Variants in CNOT8 observed in about 807,000 individuals in gnomAD.
CNOT8 encodes CAF1-like protein.
Under a neutral mutation model 34.6 loss-of-function variants are expected in CNOT8, and 18 were observed. The observed-to-expected ratio is 0.52, with a 90% CI of 0.36 to 0.77. The LOEUF (loss-of-function observed/expected upper bound fraction) is 0.77. CNOT8 is among the 30% of genes least tolerant of loss of function. The pLI, the probability that CNOT8 is intolerant of heterozygous loss-of-function variation, is 0.00. For missense variants in CNOT8, 189 were observed against 347.9 expected, an observed-to-expected ratio of 0.54 and a Z score of 3.63; for synonymous variants, 101 against 118.8, an observed-to-expected ratio of 0.85 and a Z score of 0.98.
In CNOT8 at chr5:154,875,386, T is replaced by C. The variant is rs1582634114; in HGVS notation, c.826T>C (p.Ser276Pro). 6.2e-7 allele frequency: 1 copy of C among 1,614,094 alleles called. No homozygotes were observed. The highest frequency in any genetic ancestry group is 8.5e-7 in the Non-Finnish European group (1 of 1,180,040). ...VAQKQNEDVD[S>P]AQEKMSILAI... ...CCAGAAGCAGAATGAGGATGTGGAC[T>C]CTGCCCAGGAGAAGATGAGCATCCT... Residue 276 changes from serine to proline, a missense_variant, in exon 7 of 7, where the codon TCT (serine) becomes CCT (proline). Transcript: ENST00000285896.
At position 154,872,553 on chromosome 5, in the gene CNOT8, G is replaced by T; in HGVS notation, c.631G>T (p.Glu211Ter). ...SCKNLKGGLQ[E>*]VADQLDLQRI... ...CATACATCTCCAGGGAGGTCTTCAG[G>T]AAGTTGCTGATCAGTTGGATTTGCA... The change falls in exon 6 of 7, where the codon GAA becomes TAA. Residue 211 changes from glutamate (E) to a stop codon, truncating the protein, a stop_gained. Coordinates refer to ENST00000285896, the MANE Select transcript of CNOT8 (RefSeq NM_001301073.2). LOFTEE classifies it high-confidence loss of function. The T allele has an allele frequency of 6.2e-7, 1 of 1,610,976 alleles. No homozygotes were observed. The highest frequency in any genetic ancestry group is 2.2e-5 in the East Asian group (1 of 44,708).
At chr5:154,870,160 C>T (rs1395825931) in intron 3 of CNOT8, among the ~76,000 whole-genome samples, 1 of 152,194 alleles carries the variant, frequency 6.6e-6, no homozygotes, top group East Asian at 1.9e-4. Context: ...CCTCTCACCT[C>T]AGCCTCCGGA....
intron 5 of CNOT8, 45 bp from the exon 6 acceptor site, chr5:154,872,496 C>T (rs1762576650): frequency 7.9e-7 from 1 of 1,270,944 alleles, no homozygotes; most frequent in Non-Finnish European, 1.1e-6. Context: ...CCAGTAGGGG[C>T]ATGTTGGGTT....
At chr5:154,868,140 T>C (rs901227584) in intron 3 of CNOT8, among the ~76,000 whole-genome samples, 2 of 152,082 alleles carry the variant, frequency 1.3e-5, no homozygotes, top group Non-Finnish European at 2.9e-5. Context: ...GGTTTCACCA[T>C]GTTGGCCAGG....
rs1409313529 is a variant in CNOT8 at position 154,876,343 on chromosome 5, C to T, written c.*904C>T. 6.6e-6 allele frequency: 1 copy of T among 152,194 alleles called. No individual in the cohort carries two copies. The highest frequency in any genetic ancestry group is 1.5e-5 in the Non-Finnish European group (1 of 68,032). 9.4% of individuals were successfully genotyped at this position (152,194 alleles called of 1,614,324 possible). A position where few individuals can be genotyped will look rare whatever the true frequency, so the allele number is the denominator to read the frequency against. ...CCCACTTCTCTACTCCATTATTTCT[C>T]TACTTTTCCTTCCAGCAAACCTGAA... is the stretch of plus-strand genomic sequence containing the variant. On this transcript the variant is annotated 3_prime_UTR_variant, in exon 7 of 7. Coordinates refer to ENST00000285896, the MANE Select transcript of CNOT8 (RefSeq NM_001301073.2).
rs749443998 is a variant in CNOT8, at chr5:154,875,451, T to C, written c.*12T>C. 6.2e-7 allele frequency: 1 copy of C among 1,612,818 alleles called. No homozygotes were observed. The highest frequency in any genetic ancestry group is 1.1e-5 in the South Asian group (1 of 91,046). On this transcript the variant is annotated 3_prime_UTR_variant, in exon 7 of 7. Coordinates refer to ENST00000285896, the MANE Select transcript of CNOT8 (RefSeq NM_001301073.2). Reference sequence around the variant, plus strand: ...ACATGCAGCAGTGATGGCGCCAGGCTCTGCAGGGTGGGCCTGATCCCAGAG... The same window carrying C: ...ACATGCAGCAGTGATGGCGCCAGGCCCTGCAGGGTGGGCCTGATCCCAGAG...
intron 1 of CNOT8, among the ~76,000 whole-genome samples, chr5:154,860,852 C>T (rs1761265830): frequency 6.6e-6 from 1 of 152,114 alleles, no homozygotes; most frequent in African/African-American, 2.4e-5. Flanking sequence ...ATATGTATAA[C>T]AGTGGTTAGC....
chr5:154,870,935 C>T lies in CNOT8; in HGVS notation c.473+113C>T, dbSNP rs1582616435. 1.7e-5 allele frequency: 15 copies of T among 892,032 alleles called. No individual in the cohort carries two copies. The East Asian group carries it at 3.6e-4, about 22-fold the overall frequency. The allele number at this position is 892,032 out of a possible 1,614,324, so 55.3% of individuals were successfully genotyped here. A position where few individuals can be genotyped will look rare whatever the true frequency, so the allele number is the denominator to read the frequency against. ...TGACTGTTCTGTTCAGCAGCAGCAG[C>T]CAGAAGTTGAATTGGTGCTTGTTGC... is the stretch of plus-strand genomic sequence containing the variant. On this transcript the variant is annotated intron_variant, in intron 4 of 6. Transcript: ENST00000285896.
chr5:154,858,406 C>T (rs903032961), upstream of CNOT8: 4 of 152,248 alleles, frequency 2.6e-5, no homozygotes, highest in Non-Finnish European at 5.9e-5. Context: ...TGCTCCTGCG[C>T]GCTGCTTCCC....
intron 6 of CNOT8, among the ~76,000 whole-genome samples, chr5:154,874,303 G>A (rs1249929334): frequency 6.6e-6 from 1 of 152,066 alleles, no homozygotes; most frequent in Non-Finnish European, 1.5e-5. Flanking sequence ...TAGGCCGGGT[G>A]CGGTGGCTCA....
At chr5:154,868,170 C>G (rs1223708049) in intron 3 of CNOT8, among the ~76,000 whole-genome samples, 1 of 151,860 alleles carries the variant, frequency 6.6e-6, no homozygotes, top group Admixed American at 6.6e-5. Context: ...AACTCCTGAC[C>G]TTGTGATCCG....
At chr5:154,874,851 A>G (rs1762801388) in intron 6 of CNOT8, among the ~76,000 whole-genome samples, 1 of 151,608 alleles carries the variant, frequency 6.6e-6, no homozygotes, top group African/African-American at 2.4e-5. Context: ...CTATACTATT[A>G]GTTTTTTTTT....
intron 2 of CNOT8, among the ~76,000 whole-genome samples, chr5:154,864,457 C>CAA (rs561425093): frequency 1.5e-5 from 2 of 134,518 alleles, no homozygotes; most frequent in African/African-American, 5.4e-5. Context: ...GACTCCGTCC[C>CAA]AAAAAAAAAA....
intron 2 of CNOT8, among the ~76,000 whole-genome samples, chr5:154,864,573 A>T (rs1437127184): frequency 6.6e-6 from 1 of 151,846 alleles, no homozygotes; most frequent in Non-Finnish European, 1.5e-5. Flanking sequence ...TGGCTGTTTC[A>T]CTTCCCTGTA....
chr5:154,863,165 T>G, intron 1 of CNOT8, 42 bp from the exon 2 acceptor site: 1 of 719,424 alleles, frequency 1.4e-6, no homozygotes, highest in Admixed American at 2.1e-5. Flanking sequence ...ACATCTTATG[T>G]GTGTGTAAAC....
chr5:154,868,668 C>G (rs1762162176), intron 3 of CNOT8, among the ~76,000 whole-genome samples: 1 of 152,240 alleles, frequency 6.6e-6, no homozygotes, highest in South Asian at 2.1e-4. Flanking sequence ...CTTTCTCCCA[C>G]TCCTTTCCAT....
rs1463961952 is a variant in CNOT8, at chr5:154,869,858, C to T, written c.312-803C>T. The stretch of plus-strand genomic sequence containing the variant: ...CAGGATGGTCTTGATCTCTTGACCT[C>T]GTGATCCGCCCACCTTGGCCTCCCA... On this transcript the variant is annotated intron_variant, in intron 3 of 6. Coordinates refer to ENST00000285896, the MANE Select transcript of CNOT8 (RefSeq NM_001301073.2). Among the ~76,000 whole-genome samples the T allele has an allele frequency of 3.3e-5, 5 of 152,022 alleles. No individual in the cohort carries two copies. In the South Asian group the frequency reaches 8.3e-4, roughly 25 times the overall value.
chr5:154,865,056 A>C, intron 2 of CNOT8, 136 bp from the exon 3 acceptor site: 1 of 763,014 alleles, frequency 1.3e-6, no homozygotes, highest in Non-Finnish European at 2.1e-6. Context: ...AAAAAAACAC[A>C]AAAAGAATTT....
chr5:154,861,738 G>A lies in CNOT8; in HGVS notation c.-72-1469G>A, dbSNP rs183777517. On this transcript the variant is annotated intron_variant, in intron 1 of 6. Coordinates refer to ENST00000285896, the MANE Select transcript of CNOT8 (RefSeq NM_001301073.2). ...TTTTGAGACGGAGTCTCGCTCTGTCGCCCAGGCTGGAGTGCGGTGGCGCGA... is the reference window on the plus strand; with the variant it reads ...TTTTGAGACGGAGTCTCGCTCTGTCACCCAGGCTGGAGTGCGGTGGCGCGA... Among the ~76,000 whole-genome samples, 10 of 152,188 alleles carry A rather than the reference G, an allele frequency of 6.6e-5. No individual in the cohort carries two copies. In the East Asian group the frequency reaches 1.5e-3, roughly 24 times the overall value.
Sources: gnomAD v4.1 joint callset for allele counts (sites outside exome capture counted in the v4.1 genomes callset) on GRCh38, gnomAD v4.1.1 for gene constraint, MANE v1.5 for transcripts, NCBI Gene and HGNC (gene_info 2026-07-23, HGNC 2026-07-21) for gene names.